Variants in SLC24A2 observed in about 807,000 individuals in gnomAD.
SLC24A2 encodes solute carrier family 24 member 2.
Under a neutral mutation model 62.0 loss-of-function variants are expected in SLC24A2, and 36 were observed. The ratio of observed to expected loss-of-function variants is 0.58; its 90% CI spans 0.44 to 0.77. The LOEUF (loss-of-function observed/expected upper bound fraction) is 0.77, where lower values mean the gene tolerates loss of function less well. SLC24A2 is among the 30% of genes least tolerant of loss of function. The pLI, the probability that SLC24A2 is intolerant of heterozygous loss-of-function variation, is 0.00. For missense variants in SLC24A2, 846 were observed against 817.9 expected, an observed-to-expected ratio of 1.03 and a Z score of -0.42; for synonymous variants, 358 against 294.0, an observed-to-expected ratio of 1.22 and a Z score of -2.23.
chr9:20,239,908 G>A, the SLC24A2 span, among the ~76,000 whole-genome samples: 3 of 147,278 alleles, frequency 2.0e-5, no homozygotes, highest in South Asian at 2.1e-4. Context: ...GAGTTGATTC[G>A]AACCAGCTGT....
chr9:19,827,000 G>C, the SLC24A2 span, among the ~76,000 whole-genome samples: 1 of 152,056 alleles, frequency 6.6e-6, no homozygotes, highest in Non-Finnish European at 1.5e-5. Context: ...GATATATAGA[G>C]ACATTTTCAA....
At chr9:20,039,661 G>T in the SLC24A2 span, among the ~76,000 whole-genome samples, 11 of 152,092 alleles carry the variant, frequency 7.2e-5, no homozygotes, top group Non-Finnish European at 1.2e-4. Flanking sequence ...GCAACTTGGA[G>T]CCCACTGCTG....
At chr9:20,086,057 C>G in the SLC24A2 span, among the ~76,000 whole-genome samples, 1,193 of 152,308 alleles carry the variant, frequency 7.8e-3, 9 homozygotes, top group Non-Finnish European at 0.013. Flanking sequence ...TTCATCAGAG[C>G]TCACTGGATG....
At chr9:19,575,658 G>T (rs1048227201) in intron 6 of SLC24A2, among the ~76,000 whole-genome samples, 1 of 152,320 alleles carries the variant, frequency 6.6e-6, no homozygotes, top group East Asian at 1.9e-4. Flanking sequence ...AACATTAGAA[G>T]AATCCTTGGC....
At chr9:20,248,714 C>T in the SLC24A2 span, among the ~76,000 whole-genome samples, 1 of 152,274 alleles carries the variant, frequency 6.6e-6, no homozygotes, top group South Asian at 2.1e-4. Context: ...TCCAACGCTG[C>T]CTCACAAATA....
At chr9:19,752,306 G>T (rs1217197316) in intron 2 of SLC24A2, among the ~76,000 whole-genome samples, 5 of 152,036 alleles carry the variant, frequency 3.3e-5, no homozygotes, top group Non-Finnish European at 7.4e-5. Flanking sequence ...CATCAGCAGT[G>T]GTCAAACATG....
chr9:20,223,636 A>T, the SLC24A2 span, among the ~76,000 whole-genome samples: 278 of 152,306 alleles, frequency 1.8e-3, 2 homozygotes, highest in African/African-American at 6.3e-3. Context: ...AGACAAATAC[A>T]TCAATGGACT....
intron 2 of SLC24A2, among the ~76,000 whole-genome samples, chr9:19,705,119 A>T (rs1232503151): frequency 6.6e-6 from 1 of 152,212 alleles, no homozygotes; most frequent in Non-Finnish European, 1.5e-5. Flanking sequence ...TAAGAAAAGG[A>T]TTCAGATTCC....
intron 2 of SLC24A2, among the ~76,000 whole-genome samples, chr9:19,642,602 T>C (rs958706980): frequency 6.6e-6 from 1 of 151,300 alleles, no homozygotes; most frequent in Non-Finnish European, 1.5e-5. Flanking sequence ...ATTGACCAAA[T>C]AGAGTTTGTT....
the SLC24A2 span, among the ~76,000 whole-genome samples, chr9:19,982,694 A>T: frequency 6.6e-6 from 1 of 152,202 alleles, no homozygotes; most frequent in Admixed American, 6.5e-5. Flanking sequence ...ATAAGGCTGT[A>T]TTACCCTAAT....
the SLC24A2 span, among the ~76,000 whole-genome samples, chr9:20,172,801 C>T: frequency 6.6e-6 from 1 of 152,090 alleles, no homozygotes; most frequent in Non-Finnish European, 1.5e-5. Context: ...CCTATTGACA[C>T]TATTTCACAA....
the SLC24A2 span, among the ~76,000 whole-genome samples, chr9:19,839,635 C>T: frequency 0.013 from 2,047 of 152,156 alleles, 25 homozygotes; most frequent in Non-Finnish European, 0.022. Context: ...TTGAAAGTGA[C>T]GGAGGAAGAT....
At chr9:20,022,058 A>AGATACATTTTTCCT in the SLC24A2 span, among the ~76,000 whole-genome samples, 4 of 152,314 alleles carry the variant, frequency 2.6e-5, no homozygotes, top group South Asian at 4.1e-4. Context: ...TGCCTAAACC[A>AGATACATTTTTCCT]GATACATTTT....
At chr9:19,792,764 ATAAAG>A (rs1823335437), upstream of SLC24A2, among the ~76,000 whole-genome samples, 1 of 152,112 alleles carries the variant, frequency 6.6e-6, no homozygotes, top group South Asian at 2.1e-4. Context: ...CAGGGACAAA[ATAAAG>A]TACAGTACTC....
intron 2 of SLC24A2, among the ~76,000 whole-genome samples, chr9:19,690,933 GAGAC>G (rs1339435778): frequency 7.2e-6 from 1 of 139,230 alleles, no homozygotes; most frequent in African/African-American, 2.5e-5. Context: ...GAGAGAGAGA[GAGAC>G]AGAGAGAGAG....
At chr9:19,543,849 A>G (rs967528198) in intron 8 of SLC24A2, among the ~76,000 whole-genome samples, 1 of 152,278 alleles carries the variant, frequency 6.6e-6, no homozygotes, top group South Asian at 2.1e-4. Context: ...TTTACTTCCA[A>G]TTATGTGGTC....
chr9:20,175,809 C>T, the SLC24A2 span, among the ~76,000 whole-genome samples: 1 of 152,020 alleles, frequency 6.6e-6, no homozygotes, highest in Non-Finnish European at 1.5e-5. Flanking sequence ...ATCATCAATT[C>T]ACTTACCTTT....
the SLC24A2 span, among the ~76,000 whole-genome samples, chr9:20,096,703 T>C: frequency 6.6e-6 from 1 of 152,090 alleles, no homozygotes; most frequent in Non-Finnish European, 1.5e-5. Flanking sequence ...CTTCTCAGTT[T>C]TTTCTTACAT....
chr9:19,732,018 T>C (rs1821353616), intron 2 of SLC24A2, among the ~76,000 whole-genome samples: 3 of 152,160 alleles, frequency 2.0e-5, no homozygotes, highest in Admixed American at 2.0e-4. Context: ...AGCACTGAGA[T>C]TGGGTTGGCA....
Sources: allele counts gnomAD v4.1 joint callset (sites outside exome capture counted in the v4.1 genomes callset), GRCh38; gene constraint gnomAD v4.1.1; transcripts MANE v1.5; gene names NCBI Gene and HGNC (gene_info 2026-07-23, HGNC 2026-07-21).